RERE: variants seen among roughly 807,000 people sequenced by gnomAD.
RERE encodes arginine-glutamic acid dipeptide repeats protein.
RERE carries 40 observed loss-of-function variants against 146.1 expected under a neutral mutation model. The observed-to-expected ratio is 0.27, with a 90% CI of 0.21 to 0.36. The LOEUF (loss-of-function observed/expected upper bound fraction) is 0.36. Ranked by LOEUF, RERE falls within the 10% of genes least tolerant of loss-of-function variation. The pLI, the probability that RERE is intolerant of heterozygous loss-of-function variation, is 1.00. For missense variants in RERE, 1,933 were observed against 2,138.7 expected (o/e 0.90, Z 1.90); for synonymous variants, 1,003 against 866.0 (o/e 1.16, Z -2.78).
At chr1:8,378,046 C>T (rs974238534) in intron 12 of RERE, among the ~76,000 whole-genome samples, 3 of 152,118 alleles carry the variant, frequency 2.0e-5, no homozygotes, top group Non-Finnish European at 4.4e-5. Flanking sequence ...ATGTATAATC[C>T]ATTTCTGCAA....
chr1:8,496,247 A>G (rs1645044123), intron 9 of RERE, among the ~76,000 whole-genome samples: 1 of 151,886 alleles, frequency 6.6e-6, no homozygotes, highest in South Asian at 2.1e-4. Flanking sequence ...GCCACCATGC[A>G]CAACACCGTT....
intron 11 of RERE, among the ~76,000 whole-genome samples, chr1:8,444,852 C>T (rs1033667009): frequency 3.3e-5 from 5 of 150,668 alleles, no homozygotes; most frequent in Non-Finnish European, 5.9e-5. Context: ...CCAGGAAGTG[C>T]GTAGATGTTG....
At chr1:8,407,580 TC>T (rs1024754997) in intron 12 of RERE, among the ~76,000 whole-genome samples, 5 of 151,922 alleles carry the variant, frequency 3.3e-5, no homozygotes, top group Non-Finnish European at 7.4e-5. Context: ...TCTTGGCTCA[TC>T]CCCACCCCAT....
chr1:8,772,976 A>G (rs1350509902), intron 1 of RERE, among the ~76,000 whole-genome samples: 1 of 152,106 alleles, frequency 6.6e-6, no homozygotes. Flanking sequence ...AATCCCAGCT[A>G]CTTGGGAAGC....
intron 3 of RERE, among the ~76,000 whole-genome samples, chr1:8,620,569 G>A (rs1376749903): frequency 1.3e-5 from 2 of 152,068 alleles, no homozygotes; most frequent in Non-Finnish European, 2.9e-5. Flanking sequence ...TTCTAAAAAT[G>A]AAATTTGGCT....
intron 8 of RERE, among the ~76,000 whole-genome samples, chr1:8,499,126 G>A (rs968913858): frequency 6.6e-6 from 1 of 152,102 alleles, no homozygotes; most frequent in African/African-American, 2.4e-5. Flanking sequence ...CCTGTGAAAA[G>A]TCAGATATTT....
intron 10 of RERE, among the ~76,000 whole-genome samples, chr1:8,486,251 A>G (rs1644897580): frequency 1.3e-5 from 2 of 152,202 alleles, no homozygotes; most frequent in Non-Finnish European, 1.5e-5. Context: ...AGTTGATGGC[A>G]AGTACACATG....
rs141861779 is a variant in RERE at position 8,378,549 on chromosome 1, A to G, written c.1285-12575T>C. ...CTAATCCAGTACGACTGGTGTCCTT[A>G]TAAGAAGAGATGAGGACACAGACAC... On this transcript the variant is annotated intron_variant, in intron 12 of 22. Transcript: ENST00000400908. Among the ~76,000 whole-genome samples the G allele has an allele frequency of 6.6e-5, 10 of 152,280 alleles. 1 individual carries two copies. The South Asian group carries it at 1.5e-3, about 22-fold the overall frequency.
intron 3 of RERE, among the ~76,000 whole-genome samples, chr1:8,622,806 T>C (rs1459879203): frequency 6.6e-6 from 1 of 151,906 alleles, no homozygotes; most frequent in Non-Finnish European, 1.5e-5. Flanking sequence ...CTGAATATAC[T>C]ACTTTGGTAC....
chr1:8,414,856 A>C (rs1393162531), intron 12 of RERE, among the ~76,000 whole-genome samples: 1 of 152,190 alleles, frequency 6.6e-6, no homozygotes, highest in Non-Finnish European at 1.5e-5. Flanking sequence ...CAGGAAAAAA[A>C]AAATCTTACT....
chr1:8,627,934 A>C (rs570441698), intron 2 of RERE, among the ~76,000 whole-genome samples: 1 of 152,306 alleles, frequency 6.6e-6, no homozygotes, highest in East Asian at 1.9e-4. Flanking sequence ...GTTTGCCTAA[A>C]CACTTCTCAG....
At chr1:8,387,495 A>G (rs984570957) in intron 12 of RERE, among the ~76,000 whole-genome samples, 2 of 152,248 alleles carry the variant, frequency 1.3e-5, no homozygotes, top group Non-Finnish European at 2.9e-5. Flanking sequence ...ACAACATATT[A>G]ATCTTTAACC....
rs563862017 is a variant in RERE, at chr1:8,488,954, A to G, written c.1104+6109T>C. On this transcript the variant is annotated intron_variant, in intron 10 of 22. Coordinates refer to ENST00000400908, the MANE Select transcript of RERE (RefSeq NM_001042681.2). The stretch of plus-strand genomic sequence containing the variant: ...ACTTCTAGAATAAAGCACAGAAACA[A>G]TCTTTGTAATCTTGGAGTAATCAGA... Among the ~76,000 whole-genome samples the G allele has an allele frequency of 6.2e-4, 94 of 152,366 alleles. 1 individual carries two copies. In the South Asian group the frequency reaches 9.9e-3, roughly 16 times the overall value.
intron 1 of RERE, among the ~76,000 whole-genome samples, chr1:8,708,092 C>T (rs1222608392): frequency 6.6e-6 from 1 of 152,102 alleles, no homozygotes; most frequent in Non-Finnish European, 1.5e-5. Flanking sequence ...GGAACACATT[C>T]CCAAGGGTAA....
intron 4 of RERE, among the ~76,000 whole-genome samples, chr1:8,559,304 ACAGAACAAAACAAAAC>A: frequency 7.7e-6 from 1 of 130,186 alleles, no homozygotes; most frequent in Non-Finnish European, 1.6e-5. Context: ...AAAAAAAAAA[ACAGAACAAAACAAAAC>A]AAAAAACCAA....
At chr1:8,383,606 A>C (rs1232789242) in intron 12 of RERE, among the ~76,000 whole-genome samples, 1 of 152,150 alleles carries the variant, frequency 6.6e-6, no homozygotes, top group Non-Finnish European at 1.5e-5. Flanking sequence ...CATACCTGTA[A>C]TCCCAGCACT....
chr1:8,503,087 AAAATAAATAAATAAATAAAT>A (rs199506860), intron 8 of RERE, among the ~76,000 whole-genome samples: 2 of 144,600 alleles, frequency 1.4e-5, no homozygotes, highest in East Asian at 2.0e-4. Context: ...TGATCAATTA[AAAATAAATAAATAAATAAAT>A]AAATAAATAA....
At chr1:8,455,402 G>A (rs1644442369) in intron 11 of RERE, among the ~76,000 whole-genome samples, 2 of 152,120 alleles carry the variant, frequency 1.3e-5, no homozygotes, top group Non-Finnish European at 2.9e-5. Flanking sequence ...TGCCCACTGA[G>A]CTCTTTCCTT....
chr1:8,548,319 G>C (rs768691974), intron 6 of RERE, among the ~76,000 whole-genome samples: 1 of 151,700 alleles, frequency 6.6e-6, no homozygotes, highest in Non-Finnish European at 1.5e-5. Context: ...CTGACTCTTA[G>C]AACCACAGCA....
Sources: allele counts gnomAD v4.1 joint callset (sites outside exome capture counted in the v4.1 genomes callset), GRCh38; gene constraint gnomAD v4.1.1; transcripts MANE v1.5; gene names NCBI Gene and HGNC (gene_info 2026-07-23, HGNC 2026-07-21).